The following NEK10 variants were observed in gnomAD, a reference collection of about 807,000 sequenced individuals.
NEK10 encodes the protein serine/threonine-protein kinase Nek10.
A neutral mutation model predicts 159.8 loss-of-function variants in NEK10; 122 were observed. The ratio of observed to expected loss-of-function variants is 0.76; its 90% CI spans 0.66 to 0.89. The LOEUF (loss-of-function observed/expected upper bound fraction) is 0.89, where lower values mean the gene tolerates loss of function less well. NEK10 is among the 40% of genes least tolerant of loss of function. The pLI is 0.00. For synonymous variants in NEK10, 466 were observed against 457.1 expected, an observed-to-expected ratio of 1.02 and a Z score of -0.25; for missense variants, 1,342 against 1,323.1, an observed-to-expected ratio of 1.01 and a Z score of -0.22.
chr3:27,113,411 G>C (rs1224898568), intron 35 of NEK10, among the ~76,000 whole-genome samples: 18 of 116,172 alleles, frequency 1.5e-4, no homozygotes, highest in Non-Finnish European at 2.4e-4. Context: ...AGCCTGGCCT[G>C]AGCAACATAA....
intron 30 of NEK10, among the ~76,000 whole-genome samples, chr3:27,156,977 T>G (rs889473915): frequency 9.7e-6 from 1 of 103,592 alleles, no homozygotes; most frequent in African/African-American, 3.8e-5. Context: ...TATATATATA[T>G]ATGATGAAAT....
intron 23 of NEK10, among the ~76,000 whole-genome samples, chr3:27,214,290 C>G (rs1951282351): frequency 6.6e-6 from 1 of 152,228 alleles, no homozygotes; most frequent in Non-Finnish European, 1.5e-5. Context: ...ATCAGGACCT[C>G]CTGAGGCAGT....
chr3:27,115,985 TCA>T lies in NEK10; in HGVS notation c.3252_3253del (p.Glu1085ArgfsTer4). On this transcript the variant is annotated frameshift_variant, in exon 35 of 36. Transcript: ENST00000691995. LOFTEE classifies it high-confidence loss of function. ...ATAGCCACTTTCCTCAAGGACTTCT[TCA>T]ATCACAGTCTAAAATTTTAAAAATC... 6.2e-7 allele frequency: 1 copy of T among 1,613,126 alleles called. No individual in the cohort carries two copies. Among genetic ancestry groups the T allele is most frequent in the Non-Finnish European group, 8.5e-7 (1 of 1,179,308 alleles).
At chr3:27,255,869 C>T (rs760412696) in intron 23 of NEK10, among the ~76,000 whole-genome samples, 1 of 152,050 alleles carries the variant, frequency 6.6e-6, no homozygotes, top group Non-Finnish European at 1.5e-5. Flanking sequence ...TATTAGTGTA[C>T]AAAAATCCTT....
At chr3:27,293,807 C>G (rs1340643645) in intron 15 of NEK10, among the ~76,000 whole-genome samples, 155 bp from the exon 16 acceptor site, 1 of 152,212 alleles carries the variant, frequency 6.6e-6, no homozygotes, top group Non-Finnish European at 1.5e-5. Context: ...ACAAAAAACA[C>G]CAACACCTGG....
intron 5 of NEK10, among the ~76,000 whole-genome samples, chr3:27,327,759 A>T (rs931072886): frequency 6.6e-6 from 1 of 152,152 alleles, no homozygotes; most frequent in Non-Finnish European, 1.5e-5. Flanking sequence ...AGCCCTTTTC[A>T]TGTTGTAGTA....
chr3:27,280,368 C>G (rs1223217655), intron 22 of NEK10, among the ~76,000 whole-genome samples: 1 of 152,148 alleles, frequency 6.6e-6, no homozygotes, highest in African/African-American at 2.4e-5. Flanking sequence ...AAGCTCAATA[C>G]ATAGAATTGA....
In NEK10 at chr3:27,242,984, T is replaced by G. The variant is rs182210904; in HGVS notation, c.2090+13312A>C. Among the ~76,000 whole-genome samples, 197 of 152,354 alleles carry G rather than the reference T, an allele frequency of 1.3e-3. No individual in the cohort carries two copies. The Middle Eastern group carries it at 0.027, about 21-fold the overall frequency. ...TTTTAAAATCTTTATTTTGACATTT[T>G]ATGATAGGCCATAAAATTGTCACAG... On this transcript the variant is annotated intron_variant, in intron 23 of 35. Transcript: ENST00000691995.
At chr3:27,153,144 C>A (rs1945051498) in intron 30 of NEK10, among the ~76,000 whole-genome samples, 1 of 151,964 alleles carries the variant, frequency 6.6e-6, no homozygotes, top group Non-Finnish European at 1.5e-5. Flanking sequence ...CATGGTGAAA[C>A]CCCATCTCTA....
At chr3:27,295,791 AAT>A in intron 14 of NEK10, 101 bp from the exon 15 acceptor site, 1 of 1,377,502 alleles carries the variant, frequency 7.3e-7, no homozygotes, top group Non-Finnish European at 9.5e-7. Flanking sequence ...TCAAAGAAGA[AAT>A]ATTAGTATAA....
At chr3:27,318,082 C>T (rs1472149991) in intron 6 of NEK10, among the ~76,000 whole-genome samples, 2 of 152,168 alleles carry the variant, frequency 1.3e-5, no homozygotes, top group Non-Finnish European at 2.9e-5. Flanking sequence ...GGAGTACAGG[C>T]GTGAGCCACC....
At chr3:27,282,728 A>T (rs944161593) in intron 22 of NEK10, among the ~76,000 whole-genome samples, 2 of 146,574 alleles carry the variant, frequency 1.4e-5, no homozygotes, top group Non-Finnish European at 3.0e-5. Flanking sequence ...TAACTGTGTT[A>T]TATATATACA....
At chr3:27,360,888 G>A (rs141894507) in intron 1 of NEK10, among the ~76,000 whole-genome samples, 86 of 152,246 alleles carry the variant, frequency 5.6e-4, no homozygotes, top group Middle Eastern at 3.4e-3. Flanking sequence ...CCTTCCTTGC[G>A]CAAATAGTCA....
intron 30 of NEK10, chr3:27,162,389 A>G (rs1039253800): frequency 3.8e-6 from 6 of 1,570,184 alleles, no homozygotes; most frequent in Middle Eastern, 3.9e-4. Context: ...TCGTTCAGAC[A>G]TCTCAGGCCC....
At position 27,203,739 on chromosome 3, in the gene NEK10, T is replaced by TAAAAA. The variant is rs563477300; in HGVS notation, c.2091-1183_2091-1182insTTTTT. ...TTGGCATCAAAACAATCAAGACAGG[T>TAAAAA]ATACATCAGTATTGACTTAAAAATA... On this transcript the variant is annotated intron_variant, in intron 23 of 35. Coordinates refer to ENST00000691995, the MANE Select transcript of NEK10 (RefSeq NM_001394966.1). Among the ~76,000 whole-genome samples, 456 of 148,514 alleles carry TAAAAA rather than the reference T, an allele frequency of 3.1e-3. 3 individuals carry two copies. Among genetic ancestry groups the TAAAAA allele is most frequent in the Non-Finnish European group, 4.9e-3 (329 of 66,584 alleles).
chr3:27,269,844 T>C (rs1446425073), intron 22 of NEK10, among the ~76,000 whole-genome samples: 2 of 152,222 alleles, frequency 1.3e-5, no homozygotes, highest in African/African-American at 4.8e-5. Flanking sequence ...CTGTTAAAAT[T>C]ACTCGGTTGT....
intron 22 of NEK10, among the ~76,000 whole-genome samples, chr3:27,268,010 G>C (rs1291410842): frequency 6.6e-6 from 1 of 152,206 alleles, no homozygotes; most frequent in African/African-American, 2.4e-5. Flanking sequence ...TGCTGATAAA[G>C]AGAAAGTTTA....
intron 23 of NEK10, chr3:27,216,267 A>G (rs561084464): frequency 1.1e-5 from 2 of 182,664 alleles, no homozygotes; most frequent in East Asian, 1.4e-4. Context: ...TCTAGACAGT[A>G]TCATTACAAA....
At chr3:27,299,197 C>A (rs1037758132) in intron 13 of NEK10, among the ~76,000 whole-genome samples, 1 of 152,174 alleles carries the variant, frequency 6.6e-6, no homozygotes, top group African/African-American at 2.4e-5. Flanking sequence ...GACCCAGGGT[C>A]CCTCTGCTGT....
Sources: gnomAD v4.1 joint callset for allele counts (sites outside exome capture counted in the v4.1 genomes callset) on GRCh38, gnomAD v4.1.1 for gene constraint, MANE v1.5 for transcripts, NCBI Gene and HGNC (gene_info 2026-07-23, HGNC 2026-07-21) for gene names.